Variants in ZNF469 observed in about 807,000 individuals in gnomAD.
ZNF469 encodes the protein zinc finger protein 469.
ZNF469 carries 1 observed loss-of-function variant against 1.0 expected under a neutral mutation model. That is an observed-to-expected ratio of 1.00 (90% CI 0.35 to 4.73). ZNF469 has a LOEUF of 4.73. Among genes scored for constraint, ZNF469 ranks in the 30% most tolerant of loss-of-function variants. The pLI, the probability that ZNF469 is intolerant of heterozygous loss-of-function variation, is 0.16. For synonymous variants in ZNF469, 2,703 were observed against 2,363.4 expected, an observed-to-expected ratio of 1.14 and a Z score of -4.17; for missense variants, 6,100 against 5,356.3, an observed-to-expected ratio of 1.14 and a Z score of -4.33.
the ZNF469 span, among the ~76,000 whole-genome samples, chr16:88,107,321 T>C: frequency 2.6e-5 from 4 of 152,304 alleles, no homozygotes; most frequent in East Asian, 1.9e-4. Context: ...CTGACAATCA[T>C]GGCGGAAGGC....
At chr16:88,333,863 A>AGTGTGTGTGTGT in the ZNF469 span, among the ~76,000 whole-genome samples, 18,949 of 139,958 alleles carry the variant, frequency 0.14, 1,602 homozygotes, top group Non-Finnish European at 0.21. Context: ...GGGCAGTTGC[A>AGTGTGTGTGTGT]GTGTGTGTGT....
At chr16:88,230,262 C>G in the ZNF469 span, among the ~76,000 whole-genome samples, 1 of 152,402 alleles carries the variant, frequency 6.6e-6, no homozygotes. Context: ...AGCCTGGAAA[C>G]AGCCAGAAAG....
the ZNF469 span, among the ~76,000 whole-genome samples, chr16:88,355,512 C>T: frequency 5.9e-5 from 9 of 152,248 alleles, no homozygotes; most frequent in Non-Finnish European, 1.0e-4. Context: ...CCCGGGCTCC[C>T]GCACCCTGCA....
the ZNF469 span, among the ~76,000 whole-genome samples, chr16:88,300,163 T>C: frequency 1.3e-5 from 2 of 152,198 alleles, no homozygotes; most frequent in Non-Finnish European, 2.9e-5. Context: ...TGGGGCATCT[T>C]CTCTTGGTCA....
At chr16:88,146,432 T>G in the ZNF469 span, among the ~76,000 whole-genome samples, 1 of 152,146 alleles carries the variant, frequency 6.6e-6, no homozygotes, top group African/African-American at 2.4e-5. Flanking sequence ...GGCTGGAACC[T>G]TCTTCCCTGT....
the ZNF469 span, among the ~76,000 whole-genome samples, chr16:88,142,063 T>C: frequency 0.058 from 8,814 of 152,206 alleles, 848 homozygotes; most frequent in African/African-American, 0.2. Context: ...CTGATGCAGA[T>C]GATAGGAAAT....
chr16:88,110,167 C>T, the ZNF469 span, among the ~76,000 whole-genome samples: 1 of 152,200 alleles, frequency 6.6e-6, no homozygotes, highest in Non-Finnish European at 1.5e-5. Context: ...TCCAGCTGCC[C>T]CTCCCCAAAT....
chr16:88,344,496 G>GC, the ZNF469 span, among the ~76,000 whole-genome samples: 1 of 152,228 alleles, frequency 6.6e-6, no homozygotes, highest in Non-Finnish European at 1.5e-5. Flanking sequence ...TGGGCACAGG[G>GC]CCTGAGGCAG....
At position 88,438,936 on chromosome 16, in the gene ZNF469, C is replaced by G; in HGVS notation, c.11466C>G (p.Val3822=). ...GTACGAAGAGGAAAAAGGGCCAGGT[C>G]CCAGGGCCAGCCAGGAGTGAAAGTG... ...ESSTKRKKGQ[V]PGPARSESVG... The change falls in exon 3 of 3, where the codon GTC becomes GTG. Residue 3822 remains valine (V), a synonymous_variant. Coordinates refer to ENST00000565624, the MANE Select transcript of ZNF469 (RefSeq NM_001367624.2). 6.4e-7 allele frequency: 1 copy of G among 1,550,564 alleles called. No homozygotes were observed. The highest frequency in any genetic ancestry group is 8.7e-7 in the Non-Finnish European group (1 of 1,146,980).
the ZNF469 span, among the ~76,000 whole-genome samples, chr16:88,264,629 C>T: frequency 0.058 from 8,723 of 151,096 alleles, 865 homozygotes; most frequent in African/African-American, 0.2. Context: ...TCCCCCTCCC[C>T]AGCACCACCG....
At chr16:88,277,628 C>T in the ZNF469 span, among the ~76,000 whole-genome samples, 1 of 148,168 alleles carries the variant, frequency 6.7e-6, no homozygotes. Context: ...GTGTAGATAG[C>T]AGTGCATGGT....
At chr16:88,220,236 G>A in the ZNF469 span, among the ~76,000 whole-genome samples, 6 of 152,180 alleles carry the variant, frequency 3.9e-5, no homozygotes, top group Non-Finnish European at 7.4e-5. Context: ...GGGTCCTGAA[G>A]CAGAGGGCAC....
chr16:88,334,002 CTA>C, the ZNF469 span, among the ~76,000 whole-genome samples: 3 of 145,360 alleles, frequency 2.1e-5, no homozygotes, highest in African/African-American at 5.2e-5. Context: ...GTGTCTGTGT[CTA>C]TGTGTTTGTG....
chr16:88,330,350 G>A, the ZNF469 span, among the ~76,000 whole-genome samples: 5 of 152,358 alleles, frequency 3.3e-5, no homozygotes, highest in Admixed American at 6.5e-5. Context: ...TGGACTCCAC[G>A]TTGCCGTGAT....
chr16:88,261,020 A>G, the ZNF469 span, among the ~76,000 whole-genome samples: 1 of 152,050 alleles, frequency 6.6e-6, no homozygotes, highest in African/African-American at 2.4e-5. The surrounding 1 kb of genome is among the most constrained non-coding windows in gnomAD (Gnocchi z 6.0). Context: ...GAAAATGGGG[A>G]GCCCGGGCCA....
chr16:88,288,218 C>T, the ZNF469 span, among the ~76,000 whole-genome samples: 1 of 152,224 alleles, frequency 6.6e-6, no homozygotes, highest in East Asian at 1.9e-4. Flanking sequence ...CTTCCTAGAT[C>T]CATGCCCTTC....
chr16:88,146,137 G>C, the ZNF469 span, among the ~76,000 whole-genome samples: 6 of 152,338 alleles, frequency 3.9e-5, no homozygotes, highest in East Asian at 1.2e-3. Flanking sequence ...GGAACCACCA[G>C]CTCCTTGGGC....
the ZNF469 span, among the ~76,000 whole-genome samples, chr16:88,159,652 C>T: frequency 6.6e-6 from 1 of 152,154 alleles, no homozygotes; most frequent in African/African-American, 2.4e-5. Context: ...TGAAACAGAG[C>T]TGCCTTTCAT....
chr16:88,285,287 G>A, the ZNF469 span, among the ~76,000 whole-genome samples: 1 of 152,260 alleles, frequency 6.6e-6, no homozygotes, highest in South Asian at 2.1e-4. Context: ...TTCCTGCCAG[G>A]GCAGGTGAGG....
Sources: allele counts gnomAD v4.1 joint callset (sites outside exome capture counted in the v4.1 genomes callset), GRCh38; gene constraint gnomAD v4.1.1; non-coding constraint Gnocchi (gnomAD v3.1); transcripts MANE v1.5; gene names NCBI Gene and HGNC (gene_info 2026-07-23, HGNC 2026-07-21).